FAM170B: variants seen among roughly 807,000 people sequenced by gnomAD.
The protein encoded by FAM170B is protein FAM170B.
Under a neutral mutation model 3.9 loss-of-function variants are expected in FAM170B, and 4 were observed. The ratio of observed to expected loss-of-function variants is 1.01; its 90% CI spans 0.50 to 2.32. The LOEUF (loss-of-function observed/expected upper bound fraction) is 2.32. Ranked by LOEUF, FAM170B falls within the 30% of genes most tolerant of loss-of-function variation. FAM170B has a pLI of 0.02. For synonymous variants in FAM170B, 163 were observed against 149.8 expected (o/e 1.09, Z -0.64); for missense variants, 417 against 368.6 (o/e 1.13, Z -1.07).
At position 49,134,003 on chromosome 10, in the gene FAM170B, C is replaced by T. The variant is rs929231929; in HGVS notation, c.-85G>A. ...GCTGTACTGAAGGCCTCCAGCTGGC[C>T]CCAGCCAGAGTGGACACTGAGCTCC... On this transcript the variant is annotated 5_prime_UTR_variant, in exon 1 of 2. Transcript: ENST00000311787. 2.7e-6 allele frequency: 3 copies of T among 1,097,428 alleles called. No individual in the cohort carries two copies. Among genetic ancestry groups the T allele is most frequent in the Non-Finnish European group, 4.1e-6 (3 of 735,896 alleles). The allele number at this position is 1,097,428 out of a possible 1,614,324, so 68.0% of individuals were successfully genotyped here.
chr10:49,131,840 A>G lies in FAM170B; in HGVS notation c.625T>C (p.Cys209Arg). 6.5e-7 allele frequency: 1 copy of G among 1,547,062 alleles called. No homozygotes were observed. The highest frequency in any genetic ancestry group is 8.7e-7 in the Non-Finnish European group (1 of 1,146,920). Residue 209 changes from cysteine to arginine, a missense_variant, in exon 2 of 2, where the codon TGC becomes CGC. Coordinates refer to ENST00000311787, the MANE Select transcript of FAM170B (RefSeq NM_001164484.2). ...TCCAGGGAGGGCAAGACCCTGCAGC[A>G]GGCCACGCAGCGCACCCCGTAGTTG... ...TTNYGVRCVA[C>R]CRVLPSLDAL... is the part of the protein sequence containing the mutation.
Position 49,133,933 on chromosome 10 carries a change from G to A in FAM170B, c.-15C>T, listed in dbSNP as rs1845218429. On this transcript the variant is annotated 5_prime_UTR_variant, in exon 1 of 2. Transcript: ENST00000311787. ...TAGCATTTCATGATTTGAAATGAGT[G>A]CCCAGGGTGTCGGTGCTCCAGCTGT... 1.3e-6 allele frequency: 2 copies of A among 1,541,186 alleles called. No individual in the cohort carries two copies. Among genetic ancestry groups the A allele is most frequent in the African/African-American group, 2.7e-5 (2 of 72,926 alleles).
chr10:49,131,550 G>C lies in FAM170B; in HGVS notation c.*63C>G, dbSNP rs898350951. 17 of 1,478,284 alleles carry C rather than the reference G, an allele frequency of 1.1e-5. No homozygotes were observed. The highest frequency in any genetic ancestry group is 1.4e-5 in the Non-Finnish European group (16 of 1,111,344). The allele number at this position is 1,478,284 out of a possible 1,614,324, so 91.6% of individuals were successfully genotyped here. On this transcript the variant is annotated 3_prime_UTR_variant, in exon 2 of 2. Coordinates refer to ENST00000311787, the MANE Select transcript of FAM170B (RefSeq NM_001164484.2). ...TGCCCTAGTGGCTCTGATACTGCTG[G>C]CTGGGGAAGGAGCAGTCCCAGGCCC...
chr10:49,131,949 G>A lies in FAM170B; in HGVS notation c.516C>T (p.Asn172=). The part of the protein sequence containing the change: ...MRWDLEACKS[N]CSPEPEDIDL... Reference sequence around the variant, plus strand: ...CTATGTCCTCGGGCTCGGGGCTGCAGTTGCTCTTGCAGGCTTCCAGGTCCC... The same window carrying A: ...CTATGTCCTCGGGCTCGGGGCTGCAATTGCTCTTGCAGGCTTCCAGGTCCC... Residue 172 remains asparagine, a synonymous_variant, in exon 2 of 2, where the codon AAC becomes AAT. Coordinates refer to ENST00000311787, the MANE Select transcript of FAM170B (RefSeq NM_001164484.2). 2 of 1,551,144 alleles carry A rather than the reference G, an allele frequency of 1.3e-6. No individual in the cohort carries two copies. Among genetic ancestry groups the A allele is most frequent in the South Asian group, 2.4e-5 (2 of 84,068 alleles).
At position 49,133,871 on chromosome 10, in the gene FAM170B, A is replaced by G; in HGVS notation, c.48T>C (p.Asp16=). ...GGCTGGTCAAGCTGAGGGTGGTCCCATCGGTGGGTGACTGTTCTCCCCTGT... is the reference window on the plus strand; with the variant it reads ...GGCTGGTCAAGCTGAGGGTGGTCCCGTCGGTGGGTGACTGTTCTCCCCTGT... The part of the protein sequence containing the change: ...TDHRGEQSPT[D]GTTLSLTSPE... The change falls in exon 1 of 2, where the codon GAT becomes GAC. Residue 16 remains aspartate (D), a synonymous_variant. Coordinates refer to ENST00000311787, the MANE Select transcript of FAM170B (RefSeq NM_001164484.2). The G allele has an allele frequency of 6.4e-7, 1 of 1,551,660 alleles. No homozygotes were observed. The highest frequency in any genetic ancestry group is 8.7e-7 in the Non-Finnish European group (1 of 1,146,980).
Position 49,131,518 on chromosome 10 carries a change from C to T in FAM170B, c.*95G>A. 1.4e-6 allele frequency: 2 copies of T among 1,447,300 alleles called. No individual in the cohort carries two copies. Among genetic ancestry groups the T allele is most frequent in the South Asian group, 1.5e-5 (1 of 68,242 alleles). The allele number at this position is 1,447,300 out of a possible 1,614,324, so 89.7% of individuals were successfully genotyped here. On this transcript the variant is annotated 3_prime_UTR_variant, in exon 2 of 2. Coordinates refer to ENST00000311787, the MANE Select transcript of FAM170B (RefSeq NM_001164484.2). ...TTTCCTTCCCCCTGACCCTGGTCCTCTCTCCCTGCCCTAGTGGCTCTGATA... is the reference window on the plus strand; with the variant it reads ...TTTCCTTCCCCCTGACCCTGGTCCTTTCTCCCTGCCCTAGTGGCTCTGATA...
chr10:49,132,470 C>A, intron 1 of FAM170B, 118 bp from the exon 2 acceptor site: 1 of 1,088,632 alleles, frequency 9.2e-7, no homozygotes, highest in Non-Finnish European at 1.3e-6. Context: ...GCAAACACCG[C>A]CCCCTCTGCC....
At chr10:49,133,060 T>C (rs1223466932) in intron 1 of FAM170B, among the ~76,000 whole-genome samples, 1 of 152,182 alleles carries the variant, frequency 6.6e-6, no homozygotes, top group Non-Finnish European at 1.5e-5. Context: ...TGTACATGTG[T>C]CAAACTTCTT....
rs1419720519 is a variant in FAM170B at position 49,132,300 on chromosome 10, C to G, written c.165G>C (p.Arg55=). The G allele has an allele frequency of 3.2e-6, 5 of 1,551,132 alleles. No homozygotes were observed. Among genetic ancestry groups the G allele is most frequent in the Non-Finnish European group, 4.4e-6 (5 of 1,146,910 alleles). ...SSPRPGPAIP[R]EEGLYFAARD... is the part of the protein sequence containing the mutation. ...TGGCAGCGAAGTAGAGGCCCTCCTC[C>G]CGGGGAATGGCAGGCCCCGGCCGTG... Residue 55 remains arginine (R), a synonymous_variant, in exon 2 of 2, where the codon CGG becomes CGC. Coordinates refer to ENST00000311787, the MANE Select transcript of FAM170B (RefSeq NM_001164484.2).
Position 49,133,868 on chromosome 10 carries a change from C to G in FAM170B, c.51G>C (p.Gly17=). ...DHRGEQSPTD[G]TTLSLTSPES... ...CAGGGCTGGTCAAGCTGAGGGTGGT[C>G]CCATCGGTGGGTGACTGTTCTCCCC... is the stretch of plus-strand genomic sequence containing the variant. The change falls in exon 1 of 2, where the codon GGG becomes GGC. Residue 17 remains glycine (G), a synonymous_variant. Transcript: ENST00000311787. 6.4e-7 allele frequency: 1 copy of G among 1,551,688 alleles called. No homozygotes were observed. Among genetic ancestry groups the G allele is most frequent in the Non-Finnish European group, 8.7e-7 (1 of 1,146,994 alleles).
chr10:49,131,329 C>A lies in FAM170B; in HGVS notation c.*284G>T. On this transcript the variant is annotated 3_prime_UTR_variant, in exon 2 of 2. Transcript: ENST00000311787. ...GATCCACCGGCAAAAATAGAAATCC[C>A]TCTGGCCATGCGTTTGTGGGTTTCA... 1 of 387,090 alleles carries A rather than the reference C, an allele frequency of 2.6e-6. No individual in the cohort carries two copies. Among genetic ancestry groups the A allele is most frequent in the Non-Finnish European group, 4.6e-6 (1 of 216,732 alleles). The allele number at this position is 387,090 out of a possible 1,614,324, so 24.0% of individuals were successfully genotyped here.
Position 49,131,585 on chromosome 10 carries a change from G to T in FAM170B, c.*28C>A. ...GAGCAGTCCCAGGCCCTGGAGGTGA[G>T]GGCAGGGTTGGGTATCTCCCCTCTG... On this transcript the variant is annotated 3_prime_UTR_variant, in exon 2 of 2. Coordinates refer to ENST00000311787, the MANE Select transcript of FAM170B (RefSeq NM_001164484.2). 6.5e-7 allele frequency: 1 copy of T among 1,532,694 alleles called. No individual in the cohort carries two copies. The highest frequency in any genetic ancestry group is 1.2e-5 in the South Asian group (1 of 80,480). The allele number at this position is 1,532,694 out of a possible 1,614,324, so 94.9% of individuals were successfully genotyped here. A position where few individuals can be genotyped will look rare whatever the true frequency, so the allele number is the denominator to read the frequency against.
In FAM170B at chr10:49,132,180, C is replaced by T; in HGVS notation, c.285G>A (p.Met95Ile). 6.4e-7 allele frequency: 1 copy of T among 1,551,806 alleles called. No individual in the cohort carries two copies. ...YSQYQSCCSC[M>I]CDEDNAAPQS... ...GCGGAGCAGCATTGTCCTCATCGCACATGCAGGAGCAGCACGACTGGTACT... is the reference window on the plus strand; with the variant it reads ...GCGGAGCAGCATTGTCCTCATCGCATATGCAGGAGCAGCACGACTGGTACT... The change falls in exon 2 of 2, where the codon ATG becomes ATA. Residue 95 changes from methionine to isoleucine, a missense_variant. By Grantham distance (10) the Met-to-Ile change is conservative. Coordinates refer to ENST00000311787, the MANE Select transcript of FAM170B (RefSeq NM_001164484.2).
At position 49,131,578 on chromosome 10, in the gene FAM170B, G is replaced by C; in HGVS notation, c.*35C>G. The C allele has an allele frequency of 6.6e-7, 1 of 1,523,828 alleles. No homozygotes were observed. The allele number at this position is 1,523,828 out of a possible 1,614,324, so 94.4% of individuals were successfully genotyped here. A position where few individuals can be genotyped will look rare whatever the true frequency, so the allele number is the denominator to read the frequency against. ...GGGGAAGGAGCAGTCCCAGGCCCTG[G>C]AGGTGAGGGCAGGGTTGGGTATCTC... On this transcript the variant is annotated 3_prime_UTR_variant, in exon 2 of 2. Transcript: ENST00000311787.
chr10:49,132,329 A>T lies in FAM170B; in HGVS notation c.136T>A (p.Ser46Thr). The change falls in exon 2 of 2, where the codon TCC becomes ACC. Residue 46 changes from serine (S) to threonine (T), a missense_variant. Transcript: ENST00000311787. ...GGAATGGCAGGCCCCGGCCGTGGGG[A>T]CGACCCTTCTCTCTGTATAGTCCCT... ...WPGTIQREGS[S>T]PRPGPAIPRE... The T allele has an allele frequency of 6.5e-7, 1 of 1,548,368 alleles. No homozygotes were observed. Among genetic ancestry groups the T allele is most frequent in the Non-Finnish European group, 8.7e-7 (1 of 1,146,128 alleles).
chr10:49,131,350 T>G lies in FAM170B; in HGVS notation c.*263A>C. On this transcript the variant is annotated 3_prime_UTR_variant, in exon 2 of 2. Transcript: ENST00000311787. The stretch of plus-strand genomic sequence containing the variant: ...ATCCCTCTGGCCATGCGTTTGTGGG[T>G]TTCAGATGTTGTGCCTGCCATCAGA... 2.3e-6 allele frequency: 1 copy of G among 430,860 alleles called. No homozygotes were observed. The highest frequency in any genetic ancestry group is 4.1e-6 in the Non-Finnish European group (1 of 245,772). The allele number at this position is 430,860 out of a possible 1,614,324, so 26.7% of individuals were successfully genotyped here.
Position 49,131,488 on chromosome 10 carries a change from A to T in FAM170B, c.*125T>A. The stretch of plus-strand genomic sequence containing the variant: ...CCTGGCCCTCCTTGCTCTACACTCC[A>T]TGCCTTTCCTTCCCCCTGACCCTGG... On this transcript the variant is annotated 3_prime_UTR_variant, in exon 2 of 2. Coordinates refer to ENST00000311787, the MANE Select transcript of FAM170B (RefSeq NM_001164484.2). The T allele has an allele frequency of 7.3e-7, 1 of 1,362,018 alleles. No individual in the cohort carries two copies. Among genetic ancestry groups the T allele is most frequent in the Non-Finnish European group, 9.7e-7 (1 of 1,029,766 alleles). 84.4% of individuals were successfully genotyped at this position (1,362,018 alleles called of 1,614,324 possible). A position where few individuals can be genotyped will look rare whatever the true frequency, so the allele number is the denominator to read the frequency against.
chr10:49,131,910 G>C lies in FAM170B; in HGVS notation c.555C>G (p.Cys185Trp). The C allele has an allele frequency of 6.5e-7, 1 of 1,548,134 alleles. No individual in the cohort carries two copies. The highest frequency in any genetic ancestry group is 8.7e-7 in the Non-Finnish European group (1 of 1,146,848). ...GCGGCTCCCGCAGCTCCTGCAGGCA[G>C]CACTCCAGCAGGTCTATGTCCTCGG... ...PEPEDIDLLE[C>W]CLQELREPPD... Residue 185 changes from cysteine to tryptophan, a missense_variant, in exon 2 of 2, where the codon TGC (cysteine) becomes TGG (tryptophan). Coordinates refer to ENST00000311787, the MANE Select transcript of FAM170B (RefSeq NM_001164484.2).
In FAM170B at chr10:49,131,410, G is replaced by A; in HGVS notation, c.*203C>T. ...AGCCCTCTCGTTTGGGTTTTGAAAT[G>A]GACTCTGGTGGAGATGCTGTGCCTA... is the stretch of plus-strand genomic sequence containing the variant. On this transcript the variant is annotated 3_prime_UTR_variant, in exon 2 of 2. Transcript: ENST00000311787. The A allele has an allele frequency of 1.5e-6, 1 of 652,222 alleles. No individual in the cohort carries two copies. The allele number at this position is 652,222 out of a possible 1,614,324, so 40.4% of individuals were successfully genotyped here.
Sources: gnomAD v4.1 joint callset for allele counts (sites outside exome capture counted in the v4.1 genomes callset) on GRCh38, gnomAD v4.1.1 for gene constraint, MANE v1.5 for transcripts, NCBI Gene and HGNC (gene_info 2026-07-23, HGNC 2026-07-21) for gene names.